DDX10: variants seen among roughly 807,000 people sequenced by gnomAD.
The protein encoded by DDX10 is probable ATP-dependent RNA helicase DDX10.
Under a neutral mutation model 104.3 loss-of-function variants are expected in DDX10, and 74 were observed. The ratio of observed to expected loss-of-function variants is 0.71; its 90% CI spans 0.59 to 0.86. The LOEUF (loss-of-function observed/expected upper bound fraction) is 0.86. Among genes scored for constraint, DDX10 ranks in the 40% least tolerant of loss-of-function variants. The pLI, the probability that DDX10 is intolerant of heterozygous loss-of-function variation, is 0.00. For synonymous variants in DDX10, 351 were observed against 353.4 expected, an observed-to-expected ratio of 0.99 and a Z score of 0.08; for missense variants, 952 against 1,040.0, an observed-to-expected ratio of 0.92 and a Z score of 1.16.
At chr11:108,669,591 T>C (rs549298530) in intron 1 of DDX10, among the ~76,000 whole-genome samples, 66 of 152,292 alleles carry the variant, frequency 4.3e-4, no homozygotes, top group Non-Finnish European at 8.7e-4. Context: ...TGTGATGACA[T>C]TGGAGGCTGC....
intron 1 of DDX10, among the ~76,000 whole-genome samples, chr11:108,670,182 A>G (rs1340888493): frequency 6.6e-6 from 1 of 152,172 alleles, no homozygotes; most frequent in Non-Finnish European, 1.5e-5. Context: ...AGGGTAAGAG[A>G]TCAGGTAGGA....
intron 16 of DDX10, among the ~76,000 whole-genome samples, chr11:108,888,795 A>AC (rs1270139553): frequency 1.3e-5 from 2 of 151,908 alleles, no homozygotes; most frequent in East Asian, 3.9e-4. Context: ...AAAAAAAAAA[A>AC]ACCACTTTTT....
At chr11:108,816,966 G>T (rs1331232626) in intron 13 of DDX10, among the ~76,000 whole-genome samples, 1 of 152,150 alleles carries the variant, frequency 6.6e-6, no homozygotes, top group Non-Finnish European at 1.5e-5. Flanking sequence ...ATGTATCTTG[G>T]TCAAAACTTG....
intron 9 of DDX10, among the ~76,000 whole-genome samples, chr11:108,696,447 G>GA (rs2094260049): frequency 6.6e-6 from 1 of 152,186 alleles, no homozygotes; most frequent in Admixed American, 6.5e-5. Context: ...AAAGTGTTGG[G>GA]ATTACAGGTG....
chr11:108,723,921 G>A (rs778424259), intron 13 of DDX10, among the ~76,000 whole-genome samples: 2 of 152,086 alleles, frequency 1.3e-5, no homozygotes, highest in Non-Finnish European at 2.9e-5. Context: ...AATAGAAATT[G>A]AACAGTTCTT....
intron 13 of DDX10, among the ~76,000 whole-genome samples, chr11:108,757,693 CTT>C (rs1427206675): frequency 6.6e-6 from 1 of 151,956 alleles, no homozygotes; most frequent in Non-Finnish European, 1.5e-5. Context: ...CTCTTGAAAA[CTT>C]TTTTCCCTCT....
chr11:108,924,813 C>G (rs1341251942), intron 17 of DDX10, among the ~76,000 whole-genome samples: 2 of 152,120 alleles, frequency 1.3e-5, no homozygotes, highest in African/African-American at 2.4e-5. Context: ...TCATTTCTTT[C>G]TTGTTTTTGG....
At chr11:108,777,546 C>T (rs542128545) in intron 13 of DDX10, among the ~76,000 whole-genome samples, 86 of 152,146 alleles carry the variant, frequency 5.7e-4, no homozygotes, top group Non-Finnish European at 1.9e-4. Context: ...TGGTCTCGAA[C>T]TCCTGACTTC....
intron 17 of DDX10, among the ~76,000 whole-genome samples, chr11:108,928,815 G>C (rs941744506): frequency 6.6e-6 from 1 of 152,202 alleles, no homozygotes; most frequent in Non-Finnish European, 1.5e-5. Flanking sequence ...AAACTGGTAG[G>C]AGTTTGTAAA....
intron 13 of DDX10, among the ~76,000 whole-genome samples, chr11:108,748,133 G>A (rs2094334089): frequency 6.6e-6 from 1 of 152,134 alleles, no homozygotes; most frequent in Admixed American, 6.5e-5. Flanking sequence ...GGCACAGGGT[G>A]GATTTTCTGT....
At chr11:108,711,459 A>T (rs2134465703) in intron 10 of DDX10, among the ~76,000 whole-genome samples, 1 of 152,244 alleles carries the variant, frequency 6.6e-6, no homozygotes, top group South Asian at 2.1e-4. Context: ...CAGCCTCCTG[A>T]GTAGCTGGGA....
chr11:108,851,035 G>T (rs1862784707), intron 15 of DDX10, among the ~76,000 whole-genome samples: 1 of 152,118 alleles, frequency 6.6e-6, no homozygotes, highest in African/African-American at 2.4e-5. Flanking sequence ...GAAAATAACA[G>T]TAATGTGCTA....
At chr11:108,701,437 T>C (rs547562271) in intron 9 of DDX10, among the ~76,000 whole-genome samples, 116 of 152,238 alleles carry the variant, frequency 7.6e-4, no homozygotes, top group Middle Eastern at 3.4e-3. Context: ...TGTCTCCCTT[T>C]CTCCACTTCT....
chr11:108,929,862 A>G (rs1015910286), intron 17 of DDX10, among the ~76,000 whole-genome samples: 2 of 152,194 alleles, frequency 1.3e-5, no homozygotes, highest in Non-Finnish European at 1.5e-5. Flanking sequence ...CTTTCTGCCT[A>G]GGAATTTTAG....
intron 16 of DDX10, among the ~76,000 whole-genome samples, chr11:108,910,728 C>CGTGTGTGTGTGTGTGTGT (rs56191738): frequency 1.6e-5 from 2 of 127,670 alleles, no homozygotes; most frequent in Non-Finnish European, 3.4e-5. Flanking sequence ...AGCGTGCATG[C>CGTGTGTGTGTGTGTGTGT]GTGTGTGTGT....
intron 16 of DDX10, among the ~76,000 whole-genome samples, chr11:108,886,127 G>A (rs979923233): frequency 3.3e-5 from 5 of 152,136 alleles, no homozygotes; most frequent in Non-Finnish European, 7.4e-5. Flanking sequence ...TTTTGAGAAG[G>A]GGAGGGGATA....
At position 108,723,228 on chromosome 11, in the gene DDX10, T is replaced by C. The variant is rs2094300857; in HGVS notation, c.1731T>C (p.Thr577=). The change falls in exon 13 of 18, where the codon ACT becomes ACC. Residue 577 remains threonine, a synonymous_variant. Coordinates refer to ENST00000322536, the MANE Select transcript of DDX10 (RefSeq NM_004398.4). ...CAGAGCACAGACAGGATAATGATACTGGTAATGAAGAACAGGAAGAAGAAG... is the reference window on the plus strand; with the variant it reads ...CAGAGCACAGACAGGATAATGATACCGGTAATGAAGAACAGGAAGAAGAAG... ...EGTEHRQDND[T]GNEEQEEEED... 1 of 1,613,634 alleles carries C rather than the reference T, an allele frequency of 6.2e-7. No individual in the cohort carries two copies. Among genetic ancestry groups the C allele is most frequent in the African/African-American group, 1.3e-5 (1 of 75,000 alleles).
intron 17 of DDX10, chr11:108,920,892 G>C (rs999782239): frequency 2.0e-5 from 3 of 152,224 alleles, no homozygotes; most frequent in Non-Finnish European, 4.4e-5. Context: ...AGACATGGCA[G>C]GTATCTCTGA....
At chr11:108,737,890 A>G (rs1241867437) in intron 13 of DDX10, among the ~76,000 whole-genome samples, 1 of 152,160 alleles carries the variant, frequency 6.6e-6, no homozygotes, top group East Asian at 1.9e-4. Context: ...AACGATTAGA[A>G]TAATTCTTCC....
Sources: allele counts gnomAD v4.1 joint callset (sites outside exome capture counted in the v4.1 genomes callset), GRCh38; gene constraint gnomAD v4.1.1; transcripts MANE v1.5; gene names NCBI Gene and HGNC (gene_info 2026-07-23, HGNC 2026-07-21).